The following PCDHGA7 variants were observed in gnomAD, a reference collection of about 807,000 sequenced individuals.
PCDHGA7 encodes protocadherin gamma-A7.
A neutral mutation model predicts 58.3 loss-of-function variants in PCDHGA7; 44 were observed. That is an observed-to-expected ratio of 0.75 (90% CI 0.59 to 0.97). The LOEUF (loss-of-function observed/expected upper bound fraction) is 0.97. Ranked by LOEUF, PCDHGA7 falls within the 50% of genes least tolerant of loss-of-function variation. The pLI is 0.00. For missense variants in PCDHGA7, 1,266 were observed against 1,188.7 expected, an observed-to-expected ratio of 1.06 and a Z score of -0.96; for synonymous variants, 516 against 504.2, an observed-to-expected ratio of 1.02 and a Z score of -0.31.
intron 1 of PCDHGA7, among the ~76,000 whole-genome samples, chr5:141,447,724 A>T (rs2098549653): frequency 6.6e-6 from 1 of 152,126 alleles, no homozygotes. Flanking sequence ...ATTTTCCAAA[A>T]CTCATTGAAC....
At position 141,383,514 on chromosome 5, in the gene PCDHGA7, G is replaced by C. The variant is rs778204328; in HGVS notation, c.615G>C (p.Glu205Asp). The stretch of plus-strand genomic sequence containing the variant: ...AGCGGGTGCTGGACCGGGAGGAAGA[G>C]CGGGTTCACCACCTGGTCCTCACAG... ...VLERVLDREE[E>D]RVHHLVLTAS... The change falls in exon 1 of 4, where the codon GAG (glutamate) becomes GAC (aspartate). Residue 205 changes from glutamate to aspartate, a missense_variant. Coordinates refer to ENST00000518325, the MANE Select transcript of PCDHGA7 (RefSeq NM_018920.4). 6.2e-7 allele frequency: 1 copy of C among 1,612,718 alleles called. No individual in the cohort carries two copies. Among genetic ancestry groups the C allele is most frequent in the African/African-American group, 1.3e-5 (1 of 75,036 alleles).
rs1347978078 is a variant in PCDHGA7, at chr5:141,486,800, C to G, written c.2425-8007C>G. ...GGTGCAGGCCCGGGATCGGGGCAAC[C>G]CACCCCTTAGCAGCACTGTAACAGT... On this transcript the variant is annotated intron_variant, in intron 1 of 3. Coordinates refer to ENST00000518325, the MANE Select transcript of PCDHGA7 (RefSeq NM_018920.4). The surrounding 1 kb of genome is among the most constrained non-coding windows in gnomAD (Gnocchi z 5.0). 1.9e-6 allele frequency: 3 copies of G among 1,614,104 alleles called. No individual in the cohort carries two copies. In the Admixed American group the frequency reaches 5.0e-5, roughly 27 times the overall value.
At chr5:141,443,728 C>T (rs1434984241) in intron 1 of PCDHGA7, among the ~76,000 whole-genome samples, 1 of 152,060 alleles carries the variant, frequency 6.6e-6, no homozygotes, top group Admixed American at 6.5e-5. Flanking sequence ...ATTCCTCATA[C>T]ATTTCCCTAT....
chr5:141,419,671 G>T (rs532058652), intron 1 of PCDHGA7: 1 of 1,612,894 alleles, frequency 6.2e-7, no homozygotes, highest in East Asian at 2.2e-5. Context: ...ATGCCTGGCT[G>T]TCCTACCACG....
At position 141,511,399 on chromosome 5, in the gene PCDHGA7, A is replaced by C; in HGVS notation, c.*226A>C. 1.0e-6 allele frequency: 1 copy of C among 987,714 alleles called. No homozygotes were observed. The highest frequency in any genetic ancestry group is 1.4e-6 in the Non-Finnish European group (1 of 693,342). The allele number at this position is 987,714 out of a possible 1,614,324, so 61.2% of individuals were successfully genotyped here. ...CAGTTCCGCTGGGAACCCCCATCCA[A>C]TCAACTGCTGTACCCATGGGGGTAG... On this transcript the variant is annotated 3_prime_UTR_variant, in exon 4 of 4. Transcript: ENST00000518325.
intron 1 of PCDHGA7, chr5:141,442,382 T>C (rs1256682275): frequency 6.6e-6 from 1 of 152,290 alleles, no homozygotes; most frequent in East Asian, 1.9e-4. Flanking sequence ...CTACCAGGTG[T>C]GTGCTTCTCC....
rs753581561 is a variant in PCDHGA7, at chr5:141,485,195, T to G, written c.2425-9612T>G. 2.2e-5 allele frequency: 36 copies of G among 1,613,912 alleles called. No homozygotes were observed. Among genetic ancestry groups the G allele is most frequent in the Non-Finnish European group, 1.4e-5 (16 of 1,179,906 alleles). ...AGCAATGCTCCGCAAGGTGAGAAGC[T>G]GGACAGAAATCTGGCGGTGGGCTAC... is the stretch of plus-strand genomic sequence containing the variant. On this transcript the variant is annotated intron_variant, in intron 1 of 3. Transcript: ENST00000518325. The surrounding 1 kb of genome is among the most constrained non-coding windows in gnomAD (Gnocchi z 5.7).
In PCDHGA7 at chr5:141,383,449, A is replaced by C. The variant is rs1231609078; in HGVS notation, c.550A>C (p.Ser184Arg). The change falls in exon 1 of 4, where the codon AGT (serine) becomes CGT (arginine). Residue 184 changes from serine to arginine, a missense_variant. Coordinates refer to ENST00000518325, the MANE Select transcript of PCDHGA7 (RefSeq NM_018920.4). ...TCGCCACTTCTCCCTGGCTGTGCAAAGTGGAGACGATGAAACTAAGTACCC... is the reference window on the plus strand; with the variant it reads ...TCGCCACTTCTCCCTGGCTGTGCAACGTGGAGACGATGAAACTAAGTACCC... ...PNRHFSLAVQ[S>R]GDDETKYPEL... 1 of 1,613,892 alleles carries C rather than the reference A, an allele frequency of 6.2e-7. No homozygotes were observed. The highest frequency in any genetic ancestry group is 1.1e-5 in the South Asian group (1 of 91,060).
chr5:141,391,780 T>C (rs1004185174), intron 1 of PCDHGA7: 1 of 152,220 alleles, frequency 6.6e-6, no homozygotes, highest in Non-Finnish European at 1.5e-5. Context: ...TAGTCATTAC[T>C]TTTTGCAGTT....
At chr5:141,509,096 T>C (rs1364889034) in intron 3 of PCDHGA7, among the ~76,000 whole-genome samples, 1 of 152,124 alleles carries the variant, frequency 6.6e-6, no homozygotes, top group African/African-American at 2.4e-5. Context: ...ATGGGGGCTG[T>C]AGAAACCTGA....
At chr5:141,399,509 A>G in intron 1 of PCDHGA7, 13 of 1,613,968 alleles carry the variant, frequency 8.1e-6, no homozygotes, top group Non-Finnish European at 1.1e-5. Flanking sequence ...CCCGAAAACA[A>G]CCCTCCTGGG....
At chr5:141,460,043 A>G (rs527752346) in intron 1 of PCDHGA7, among the ~76,000 whole-genome samples, 1 of 152,276 alleles carries the variant, frequency 6.6e-6, no homozygotes, top group South Asian at 2.1e-4. Context: ...GCACCACTGC[A>G]CTCCAGCCTG....
intron 2 of PCDHGA7, among the ~76,000 whole-genome samples, chr5:141,503,611 A>AG (rs992110793): frequency 6.6e-6 from 1 of 151,948 alleles, no homozygotes; most frequent in Non-Finnish European, 1.5e-5. Flanking sequence ...AAAAAAAAAA[A>AG]AAAGAAAAAA....
At chr5:141,438,739 G>A (rs1264194876) in intron 1 of PCDHGA7, among the ~76,000 whole-genome samples, 1 of 149,040 alleles carries the variant, frequency 6.7e-6, no homozygotes, top group African/African-American at 2.5e-5. Context: ...TCAGCTCACT[G>A]CAACCTCTGC....
chr5:141,398,088 C>T lies in PCDHGA7; in HGVS notation c.2424+12765C>T, dbSNP rs781722295. On this transcript the variant is annotated intron_variant, in intron 1 of 3. Coordinates refer to ENST00000518325, the MANE Select transcript of PCDHGA7 (RefSeq NM_018920.4). ...AATACAGAGGTTATTTGTAACCTGGCGTCTCCAGGCTGGTGAGCAAGCTGA... is the reference window on the plus strand; with the variant it reads ...AATACAGAGGTTATTTGTAACCTGGTGTCTCCAGGCTGGTGAGCAAGCTGA... The T allele has an allele frequency of 1.1e-5, 18 of 1,598,420 alleles. 1 individual carries two copies. In the South Asian group the frequency reaches 1.9e-4, roughly 17 times the overall value.
rs374663576 is a variant in PCDHGA7, at chr5:141,489,905, G to T, written c.2425-4902G>T. On this transcript the variant is annotated intron_variant, in intron 1 of 3. Coordinates refer to ENST00000518325, the MANE Select transcript of PCDHGA7 (RefSeq NM_018920.4). The surrounding 1 kb of genome is among the most constrained non-coding windows in gnomAD (Gnocchi z 4.5). ...GCTGTGGATGGGGGGACCCCAGCCC[G>T]CTCAGGGACCACCCTTATCTCTGTC... The T allele has an allele frequency of 9.7e-5, 156 of 1,614,226 alleles. 3 individuals are homozygous for T. The South Asian group carries it at 1.6e-3, about 16-fold the overall frequency.
chr5:141,421,051 A>G (rs1330155141), intron 1 of PCDHGA7: 8 of 559,830 alleles, frequency 1.4e-5, no homozygotes, highest in South Asian at 2.6e-5. Flanking sequence ...CCCCGCCTCT[A>G]CCACACAAAG....
intron 1 of PCDHGA7, chr5:141,399,279 C>G (rs370090713): frequency 1.2e-6 from 2 of 1,613,694 alleles, no homozygotes; most frequent in Non-Finnish European, 1.7e-6. Flanking sequence ...AATTACAAGG[C>G]GAAGTCCCTT....
At chr5:141,399,936 C>T (rs1370105984) in intron 1 of PCDHGA7, 2 of 1,612,268 alleles carry the variant, frequency 1.2e-6, no homozygotes, top group Non-Finnish European at 8.5e-7. Flanking sequence ...TGTCCTACCA[C>T]GTGCTGCAGG....
Sources: gnomAD v4.1 joint callset for allele counts (sites outside exome capture counted in the v4.1 genomes callset) on GRCh38, gnomAD v4.1.1 for gene constraint, Gnocchi (gnomAD v3.1) non-coding constraint, MANE v1.5 for transcripts, NCBI Gene and HGNC (gene_info 2026-07-23, HGNC 2026-07-21) for gene names.